The following MCTP1 variants were observed in gnomAD, a reference collection of about 807,000 sequenced individuals.
MCTP1 encodes the protein multiple C2 and transmembrane domain containing 1.
A neutral mutation model predicts 120.6 loss-of-function variants in MCTP1; 69 were observed. The observed-to-expected ratio is 0.57, with a 90% CI of 0.47 to 0.70. MCTP1 has a LOEUF of 0.70. Among genes scored for constraint, MCTP1 ranks in the 30% least tolerant of loss-of-function variants. MCTP1 has a pLI of 0.00. For missense variants in MCTP1, 1,203 were observed against 1,248.8 expected, an observed-to-expected ratio of 0.96 and a Z score of 0.55; for synonymous variants, 529 against 493.1, an observed-to-expected ratio of 1.07 and a Z score of -0.96.
At chr5:95,189,973 G>A (rs968064192) in intron 1 of MCTP1, among the ~76,000 whole-genome samples, 1 of 151,988 alleles carries the variant, frequency 6.6e-6, no homozygotes, top group African/African-American at 2.4e-5. Context: ...TTAATTAGTG[G>A]GCTTAATATC....
chr5:94,926,635 A>G (rs776643110), intron 6 of MCTP1, among the ~76,000 whole-genome samples: 1 of 152,154 alleles, frequency 6.6e-6, no homozygotes, highest in East Asian at 1.9e-4. Context: ...GTTCCACTCA[A>G]TTTAATAACT....
At chr5:95,218,411 C>T (rs990804797) in intron 1 of MCTP1, among the ~76,000 whole-genome samples, 18 of 152,160 alleles carry the variant, frequency 1.2e-4, no homozygotes, top group Admixed American at 5.9e-4. Context: ...TCTAGTATTT[C>T]CCAATGTATG....
rs538955530 is a variant in MCTP1 at position 95,026,497 on chromosome 5, T to C, written c.721-9013A>G. Among the ~76,000 whole-genome samples, 6 of 152,274 alleles carry C rather than the reference T, an allele frequency of 3.9e-5. No individual in the cohort carries two copies. In the East Asian group the frequency reaches 1.2e-3, roughly 29 times the overall value. ...ACCATCCTTCTACTCTCTATCTCCA[T>C]TGTTTTAATTTTTAGCTCCCACAAG... On this transcript the variant is annotated intron_variant, in intron 1 of 22. Transcript: ENST00000515393.
intron 2 of MCTP1, among the ~76,000 whole-genome samples, chr5:94,989,093 A>C (rs1302514395): frequency 6.6e-6 from 1 of 152,168 alleles, no homozygotes; most frequent in Non-Finnish European, 1.5e-5. Context: ...TTTTAAAAAA[A>C]CAAAATTATT....
At chr5:94,923,878 A>G (rs1474286206) in intron 7 of MCTP1, 84 bp downstream of exon 7, 1 of 775,244 alleles carries the variant, frequency 1.3e-6, no homozygotes, top group African/African-American at 1.9e-5. Flanking sequence ...TTAAAAAATG[A>G]AACTCTTAGT....
intron 17 of MCTP1, among the ~76,000 whole-genome samples, chr5:94,860,204 C>T (rs1398737656): frequency 2.0e-5 from 3 of 151,618 alleles, no homozygotes; most frequent in Admixed American, 6.6e-5. Context: ...CCCAACACTT[C>T]CAATGAAGAT....
intron 2 of MCTP1, among the ~76,000 whole-genome samples, chr5:94,998,074 G>C (rs1039664627): frequency 6.6e-6 from 1 of 152,136 alleles, no homozygotes; most frequent in Non-Finnish European, 1.5e-5. Context: ...TTGCATAGAT[G>C]AGAAAGGTTT....
chr5:95,194,499 A>G lies in MCTP1; in HGVS notation c.720+89357T>C, dbSNP rs114520840. On this transcript the variant is annotated intron_variant, in intron 1 of 22. Coordinates refer to ENST00000515393, the MANE Select transcript of MCTP1 (RefSeq NM_024717.7). ...AAATGATTTGAGGGAAAAACAAGTA[A>G]AATAACTTAAAAATATTCACCTCAC... 3.4e-3 allele frequency among the ~76,000 whole-genome samples: 512 copies of G among 152,284 alleles called. 3 individuals carry two copies. The highest frequency in any genetic ancestry group is 0.012 in the African/African-American group (484 of 41,562).
intron 18 of MCTP1, among the ~76,000 whole-genome samples, chr5:94,781,849 C>T (rs1450461968): frequency 6.6e-6 from 1 of 152,130 alleles, no homozygotes; most frequent in Non-Finnish European, 1.5e-5. Context: ...CAACCATTTG[C>T]TTTTACATTT....
intron 2 of MCTP1, among the ~76,000 whole-genome samples, chr5:95,001,869 A>G (rs1225621434): frequency 6.6e-6 from 1 of 152,192 alleles, no homozygotes; most frequent in Admixed American, 6.5e-5. Context: ...ACAATGGGGA[A>G]ATGTCGACAG....
Position 94,918,425 on chromosome 5 carries a change from C to G in MCTP1, c.1273-452G>C, listed in dbSNP as rs769098248. Among the ~76,000 whole-genome samples the G allele has an allele frequency of 2.8e-4, 42 of 152,252 alleles. No homozygotes were observed. The Middle Eastern group carries it at 0.01, about 37-fold the overall frequency. On this transcript the variant is annotated intron_variant, in intron 7 of 22. Transcript: ENST00000515393. The stretch of plus-strand genomic sequence containing the variant: ...AACTAAGATCATATTAACCTTGCAT[C>G]CCACATGTAAATCTTTTGCAATGAT...
At chr5:94,760,931 C>T (rs1194960171) in intron 19 of MCTP1, among the ~76,000 whole-genome samples, 7 of 152,036 alleles carry the variant, frequency 4.6e-5, no homozygotes, top group African/African-American at 1.2e-4. Context: ...GCAATTATCT[C>T]GTCTCAGCCT....
At chr5:95,033,979 C>G (rs886216180) in intron 1 of MCTP1, among the ~76,000 whole-genome samples, 2 of 151,650 alleles carry the variant, frequency 1.3e-5, no homozygotes, top group Non-Finnish European at 3.0e-5. Flanking sequence ...AATAGCCACA[C>G]ACAAAAAATC....
chr5:95,092,161 G>T (rs894937954), intron 1 of MCTP1, among the ~76,000 whole-genome samples: 2 of 151,938 alleles, frequency 1.3e-5, no homozygotes, highest in South Asian at 4.2e-4. Flanking sequence ...TGGTTTTATG[G>T]TTTTTTTTGT....
rs1051395831 is a variant in MCTP1 at position 94,795,895 on chromosome 5, C to A, written c.2556+3118G>T. 5.3e-5 allele frequency among the ~76,000 whole-genome samples: 8 copies of A among 152,298 alleles called. No individual in the cohort carries two copies. In the South Asian group the frequency reaches 1.7e-3, roughly 32 times the overall value. On this transcript the variant is annotated intron_variant, in intron 18 of 22. Coordinates refer to ENST00000515393, the MANE Select transcript of MCTP1 (RefSeq NM_024717.7). ...ATTAAATGCTGCAAAACTTATTCAG[C>A]AAGGATTACATCTGATTTTGCTCAT...
chr5:94,725,796 C>A (rs192802437), intron 19 of MCTP1, among the ~76,000 whole-genome samples: 1 of 152,096 alleles, frequency 6.6e-6, no homozygotes, highest in Non-Finnish European at 1.5e-5. Context: ...ATAATTCAAC[C>A]TACCTTTGCA....
At chr5:95,203,254 C>G (rs1475337213) in intron 1 of MCTP1, among the ~76,000 whole-genome samples, 1 of 152,150 alleles carries the variant, frequency 6.6e-6, no homozygotes, top group Non-Finnish European at 1.5e-5. Flanking sequence ...TGCTTTGGGT[C>G]CTTAAACACT....
At chr5:95,243,091 A>T (rs1355661436) in intron 1 of MCTP1, among the ~76,000 whole-genome samples, 8 of 152,206 alleles carry the variant, frequency 5.3e-5, no homozygotes, top group African/African-American at 1.9e-4. Flanking sequence ...AGACTGTGAT[A>T]CAAGGGAAAT....
Position 94,913,852 on chromosome 5 carries a change from C to T in MCTP1, c.1351-876G>A, listed in dbSNP as rs554905934. Among the ~76,000 whole-genome samples, 3 of 151,970 alleles carry T rather than the reference C, an allele frequency of 2.0e-5. 1 individual carries two copies. The South Asian group carries it at 6.2e-4, about 32-fold the overall frequency. ...GACAACAGGCATGCACCACTGCACC[C>T]AGCTAATTTTTATTTTTTATTTTTG... On this transcript the variant is annotated intron_variant, in intron 8 of 22. Coordinates refer to ENST00000515393, the MANE Select transcript of MCTP1 (RefSeq NM_024717.7).
Sources: allele counts gnomAD v4.1 joint callset (sites outside exome capture counted in the v4.1 genomes callset), GRCh38; gene constraint gnomAD v4.1.1; transcripts MANE v1.5; gene names NCBI Gene and HGNC (gene_info 2026-07-23, HGNC 2026-07-21).